Variants in CEMIP observed in about 807,000 individuals in gnomAD.
CEMIP encodes cell migration inducing hyaluronidase 1.
A neutral mutation model predicts 156.9 loss-of-function variants in CEMIP; 105 were observed. The observed-to-expected ratio is 0.67, with a 90% CI of 0.57 to 0.79. CEMIP has a LOEUF of 0.79. Ranked by LOEUF, CEMIP falls within the 30% of genes least tolerant of loss-of-function variation. CEMIP has a pLI of 0.00. For missense variants in CEMIP, 1,457 were observed against 1,769.4 expected (o/e 0.82, Z 3.17); for synonymous variants, 676 against 668.4 (o/e 1.01, Z -0.17).
chr15:80,875,686 C>T (rs888476240), intron 3 of CEMIP, among the ~76,000 whole-genome samples: 7 of 152,290 alleles, frequency 4.6e-5, no homozygotes, highest in African/African-American at 1.4e-4. Flanking sequence ...CCAAGTAGGT[C>T]GGGCTTGCAC....
At chr15:80,892,215 C>G (rs887611777) in intron 10 of CEMIP, among the ~76,000 whole-genome samples, 1 of 152,128 alleles carries the variant, frequency 6.6e-6, no homozygotes, top group African/African-American at 2.4e-5. Flanking sequence ...GCCAGATCCT[C>G]TGGGCCAGGG....
chr15:80,903,008 C>T (rs554614032), intron 12 of CEMIP: 1 of 152,328 alleles, frequency 6.6e-6, no homozygotes, highest in East Asian at 1.9e-4. Context: ...CTTAAATATG[C>T]TCAGGGACTC....
chr15:80,885,487 C>A (rs58281081), intron 7 of CEMIP, among the ~76,000 whole-genome samples: 1 of 152,228 alleles, frequency 6.6e-6, no homozygotes, highest in African/African-American at 2.4e-5. Context: ...CACTTCCATT[C>A]TGTTGTTTTA....
At chr15:80,865,332 C>T (rs1369307169) in intron 1 of CEMIP, among the ~76,000 whole-genome samples, 1 of 152,106 alleles carries the variant, frequency 6.6e-6, no homozygotes, top group Admixed American at 6.5e-5. Context: ...CGGGCTCGCG[C>T]CACCACGCCC....
At chr15:80,792,504 C>T (rs1896106155) in intron 1 of CEMIP, among the ~76,000 whole-genome samples, 1 of 152,178 alleles carries the variant, frequency 6.6e-6, no homozygotes, top group African/African-American at 2.4e-5. Context: ...GCTTATCCAT[C>T]CCCTAAAATA....
At chr15:80,821,486 A>G (rs553370541) in intron 1 of CEMIP, among the ~76,000 whole-genome samples, 1 of 152,358 alleles carries the variant, frequency 6.6e-6, no homozygotes, top group Admixed American at 6.5e-5. Flanking sequence ...AGATAAAAGC[A>G]GGGAGATCGG....
intron 1 of CEMIP, among the ~76,000 whole-genome samples, chr15:80,845,788 C>T (rs1041656721): frequency 2.0e-5 from 3 of 152,100 alleles, no homozygotes; most frequent in East Asian, 1.9e-4. Context: ...TGAGCTAGAT[C>T]GAGTCATTAG....
intron 1 of CEMIP, among the ~76,000 whole-genome samples, chr15:80,832,320 C>CTGTGTGTGTGTG (rs1266715174): frequency 1.9e-3 from 35 of 18,148 alleles, no homozygotes; most frequent in African/African-American, 8.5e-3. Flanking sequence ...TTAAAATAAA[C>CTGTGTGTGTGTG]TCTGTGTGTG....
intron 1 of CEMIP, among the ~76,000 whole-genome samples, chr15:80,823,836 A>G (rs1290274938): frequency 6.6e-6 from 1 of 152,264 alleles, no homozygotes; most frequent in Non-Finnish European, 1.5e-5. Flanking sequence ...TTTCTTTCAC[A>G]TTTACAATAT....
Position 80,926,820 on chromosome 15 carries a change from G to C in CEMIP, c.2420+1065G>C, listed in dbSNP as rs867025097. The stretch of plus-strand genomic sequence containing the variant: ...ACAGAGGCAGAGAGACTGAGCGGGT[G>C]GGGGGGGGGGGTCTTCTTTTTTTTT... On this transcript the variant is annotated intron_variant, in intron 19 of 29. Transcript: ENST00000394685. 5.8e-3 allele frequency among the ~76,000 whole-genome samples: 484 copies of C among 83,788 alleles called. 5 individuals are homozygous for C. Among genetic ancestry groups the C allele is most frequent in the African/African-American group, 0.045 (297 of 6,586 alleles). The allele number at this position is 83,788 out of a possible 152,430, so 55.0% of individuals were successfully genotyped here. A position where few individuals can be genotyped will look rare whatever the true frequency, so the allele number is the denominator to read the frequency against.
chr15:80,779,740 TG>T (rs1288435607), intron 1 of CEMIP, 126 bp downstream of exon 1: 1 of 152,404 alleles, frequency 6.6e-6, no homozygotes, highest in Non-Finnish European at 1.5e-5. Context: ...AGTTTCTGTT[TG>T]TCTGTCCACC....
At chr15:80,832,322 C>CTCTCTG (rs1555429057) in intron 1 of CEMIP, among the ~76,000 whole-genome samples, 93 of 128,104 alleles carry the variant, frequency 7.3e-4, no homozygotes, top group Middle Eastern at 4.0e-3. Flanking sequence ...AAAATAAACT[C>CTCTCTG]TGTGTGTGTG....
At position 80,947,018 on chromosome 15, in the gene CEMIP, C is replaced by G; in HGVS notation, c.3911C>G (p.Thr1304Ser). Residue 1304 changes from threonine to serine, a missense_variant, in exon 29 of 30, where the codon ACC becomes AGC. Physicochemically the swap from Thr to Ser is moderately conservative, Grantham distance 58. Transcript: ENST00000394685. ...AGATACGTCTCCAGAGGCCCATGGA[C>G]CAGAGTGCTGGAAAAGCTTGGGGCA... ...KGRYVSRGPW[T>S]RVLEKLGADR... 2 of 1,614,036 alleles carry G rather than the reference C, an allele frequency of 1.2e-6. No individual in the cohort carries two copies. Among genetic ancestry groups the G allele is most frequent in the South Asian group, 1.1e-5 (1 of 91,082 alleles).
Position 80,951,385 on chromosome 15 carries a change from T to C in CEMIP, c.*2461T>C, listed in dbSNP as rs1489199052. On this transcript the variant is annotated 3_prime_UTR_variant, in exon 30 of 30. Transcript: ENST00000394685. ...AGGCATTTTCTTGGTAGCACAAATT[T>C]TCTTATTGCTTAGAAAATTGTCCTC... 6.6e-6 allele frequency: 1 copy of C among 152,630 alleles called. No homozygotes were observed. The highest frequency in any genetic ancestry group is 2.4e-5 in the African/African-American group (1 of 41,464). 9.5% of individuals were successfully genotyped at this position (152,630 alleles called of 1,614,324 possible). A position where few individuals can be genotyped will look rare whatever the true frequency, so the allele number is the denominator to read the frequency against.
At position 80,925,767 on chromosome 15, in the gene CEMIP, C is replaced by T. The variant is rs181547400; in HGVS notation, c.2420+12C>T. On this transcript the variant is annotated intron_variant, in intron 19 of 29. Transcript: ENST00000394685. ...CTGGACAGCTGCCGGTGAGTCAGAG[C>T]GGCGTGTGGCTTTGGCACAAAGGGG... 6.3e-5 allele frequency: 102 copies of T among 1,610,312 alleles called. 1 individual carries two copies. The highest frequency in any genetic ancestry group is 6.1e-4 in the African/African-American group (46 of 75,008).
At chr15:80,847,949 G>A (rs556335194) in intron 1 of CEMIP, among the ~76,000 whole-genome samples, 3 of 152,286 alleles carry the variant, frequency 2.0e-5, no homozygotes, top group Admixed American at 6.5e-5. Flanking sequence ...GTGAAGTCAC[G>A]ATGCACAGCT....
chr15:80,896,452 G>A (rs994524092), intron 12 of CEMIP: 6 of 448,848 alleles, frequency 1.3e-5, no homozygotes, highest in South Asian at 6.6e-5. Context: ...AAGTCACATG[G>A]TAAAGCACAA....
intron 23 of CEMIP, among the ~76,000 whole-genome samples, chr15:80,936,133 G>A (rs898329235): frequency 4.6e-5 from 7 of 152,222 alleles, no homozygotes; most frequent in African/African-American, 1.7e-4. Context: ...TTTTTCCTCT[G>A]AAATGAGGCA....
intron 1 of CEMIP, among the ~76,000 whole-genome samples, chr15:80,822,552 C>G (rs1042525332): frequency 2.6e-5 from 4 of 152,166 alleles, no homozygotes; most frequent in Non-Finnish European, 5.9e-5. Context: ...CCCAGTCTTT[C>G]TCCTTGATTT....
Sources: gnomAD v4.1 joint callset for allele counts (sites outside exome capture counted in the v4.1 genomes callset) on GRCh38, gnomAD v4.1.1 for gene constraint, MANE v1.5 for transcripts, NCBI Gene and HGNC (gene_info 2026-07-23, HGNC 2026-07-21) for gene names.